GALNT1: variants seen among roughly 807,000 people sequenced by gnomAD.
GALNT1 encodes GalNAc transferase 1.
GALNT1 carries 17 observed loss-of-function variants against 65.7 expected under a neutral mutation model. The ratio of observed to expected loss-of-function variants is 0.26; its 90% CI spans 0.18 to 0.39. The LOEUF (loss-of-function observed/expected upper bound fraction) is 0.39. Among genes scored for constraint, GALNT1 ranks in the 10% least tolerant of loss-of-function variants. The pLI, the probability that GALNT1 is intolerant of heterozygous loss-of-function variation, is 1.00. For missense variants in GALNT1, 460 were observed against 672.8 expected (o/e 0.68, Z 3.50); for synonymous variants, 210 against 219.7 (o/e 0.96, Z 0.39).
chr18:35,693,058 A>T (rs2047993819), intron 9 of GALNT1, among the ~76,000 whole-genome samples: 1 of 152,252 alleles, frequency 6.6e-6, no homozygotes, highest in African/African-American at 2.4e-5. Context: ...TGAAAGGCAC[A>T]CAATATGTCA....
intron 9 of GALNT1, 61 bp from the exon 10 acceptor site, chr18:35,702,836 T>C: frequency 9.0e-7 from 1 of 1,115,426 alleles, no homozygotes; most frequent in Non-Finnish European, 1.3e-6. Context: ...TATGTGTGTG[T>C]ATCTGTCTGT....
chr18:35,632,084 T>C (rs892594162), intron 1 of GALNT1, among the ~76,000 whole-genome samples: 1 of 152,214 alleles, frequency 6.6e-6, no homozygotes, highest in African/African-American at 2.4e-5. Context: ...TCCATGCTCA[T>C]GGATAGGAAG....
At chr18:35,598,024 A>ATCCCC (rs2046528748) in intron 1 of GALNT1, among the ~76,000 whole-genome samples, 1 of 19,410 alleles carries the variant, frequency 5.2e-5, no homozygotes. Context: ...CTCCCCTCCA[A>ATCCCC]TCCCCTCCCA....
Position 35,709,886 on chromosome 18 carries a change from G to A in GALNT1, c.*116G>A. 1 of 1,214,506 alleles carries A rather than the reference G, an allele frequency of 8.2e-7. No homozygotes were observed. Among genetic ancestry groups the A allele is most frequent in the Non-Finnish European group, 1.1e-6 (1 of 880,136 alleles). The allele number at this position is 1,214,506 out of a possible 1,614,324, so 75.2% of individuals were successfully genotyped here. On this transcript the variant is annotated 3_prime_UTR_variant, in exon 12 of 12. Coordinates refer to ENST00000269195, the MANE Select transcript of GALNT1 (RefSeq NM_020474.4). ...AAAGTGCTTTCCTCCTCTGCAGGAT[G>A]TAAGGTTTATCAGCCATTAAAACTT... is the stretch of plus-strand genomic sequence containing the variant.
intron 1 of GALNT1, among the ~76,000 whole-genome samples, chr18:35,644,414 C>G (rs1417051391): frequency 6.6e-6 from 1 of 152,120 alleles, no homozygotes; most frequent in East Asian, 1.9e-4. Context: ...TTATAGGAAG[C>G]TGGGAATATA....
rs112247119 is a variant in GALNT1 at position 35,648,295 on chromosome 18, T to C, written c.-103-6265T>C. Reference sequence around the variant, plus strand: ...TTGCATAAGATATTCAACACTTTATTGTAAAATAAGCTTTGTGTTAGATGA... The same window carrying C: ...TTGCATAAGATATTCAACACTTTATCGTAAAATAAGCTTTGTGTTAGATGA... On this transcript the variant is annotated intron_variant, in intron 1 of 11. Transcript: ENST00000269195. 6.4e-3 allele frequency among the ~76,000 whole-genome samples: 971 copies of C among 152,326 alleles called. 18 individuals carry two copies. Among genetic ancestry groups the C allele is most frequent in the African/African-American group, 0.022 (921 of 41,568 alleles).
chr18:35,602,607 T>C (rs2046595955), intron 1 of GALNT1, among the ~76,000 whole-genome samples: 1 of 152,206 alleles, frequency 6.6e-6, no homozygotes, highest in Admixed American at 6.5e-5. Context: ...CGAGCTCATA[T>C]TGTTCGGCTT....
At chr18:35,610,360 A>G (rs1336963709) in intron 1 of GALNT1, among the ~76,000 whole-genome samples, 1 of 152,168 alleles carries the variant, frequency 6.6e-6, no homozygotes, top group East Asian at 1.9e-4. Flanking sequence ...GTCACTTGCT[A>G]ACAAGCCAAC....
chr18:35,705,913 AG>A (rs1429188515), intron 11 of GALNT1, among the ~76,000 whole-genome samples: 1 of 152,156 alleles, frequency 6.6e-6, no homozygotes, highest in Non-Finnish European at 1.5e-5. Context: ...CAGAAAGAAA[AG>A]GGAAAGAGGA....
At chr18:35,619,943 C>G (rs1490834577) in intron 1 of GALNT1, among the ~76,000 whole-genome samples, 3 of 152,220 alleles carry the variant, frequency 2.0e-5, no homozygotes, top group African/African-American at 7.2e-5. Context: ...GCCATGAAAC[C>G]ACCTCTCCTC....
chr18:35,593,472 T>C (rs770311887), intron 1 of GALNT1, among the ~76,000 whole-genome samples: 8 of 151,918 alleles, frequency 5.3e-5, no homozygotes, highest in African/African-American at 9.7e-5. Flanking sequence ...GTTTTTAGGA[T>C]AGGAAGGAGC....
chr18:35,590,031 A>G (rs1260837216), intron 1 of GALNT1, among the ~76,000 whole-genome samples: 1 of 152,106 alleles, frequency 6.6e-6, no homozygotes, highest in African/African-American at 2.4e-5. Context: ...CACTGCCTGG[A>G]GTGTTACTGC....
At chr18:35,643,502 G>T (rs542952102) in intron 1 of GALNT1, among the ~76,000 whole-genome samples, 1 of 152,110 alleles carries the variant, frequency 6.6e-6, no homozygotes, top group South Asian at 2.1e-4. Flanking sequence ...GGTGGCTCAC[G>T]CCTGTAATCC....
At chr18:35,617,312 T>C (rs1344994936) in intron 1 of GALNT1, among the ~76,000 whole-genome samples, 1 of 152,208 alleles carries the variant, frequency 6.6e-6, no homozygotes, top group African/African-American at 2.4e-5. Context: ...AAATGTCTAC[T>C]ATATGCCTTG....
chr18:35,703,738 T>A (rs946555759), intron 11 of GALNT1, 95 bp downstream of exon 11: 1 of 1,217,442 alleles, frequency 8.2e-7, no homozygotes, highest in Non-Finnish European at 1.1e-6. Context: ...TTGTGGACCT[T>A]GAATATGGAT....
chr18:35,676,032 G>A (rs2047705561), intron 3 of GALNT1, among the ~76,000 whole-genome samples: 1 of 152,178 alleles, frequency 6.6e-6, no homozygotes, highest in Non-Finnish European at 1.5e-5. Flanking sequence ...ATTTTCAGAA[G>A]TATTATTAGG....
chr18:35,706,932 C>G (rs2048272590), intron 11 of GALNT1, among the ~76,000 whole-genome samples: 1 of 152,116 alleles, frequency 6.6e-6, no homozygotes, highest in East Asian at 1.9e-4. Context: ...GAAATTAAAC[C>G]CAGGATACTT....
At chr18:35,709,482 A>G in intron 11 of GALNT1, 142 bp from the exon 12 acceptor site, 1 of 714,312 alleles carries the variant, frequency 1.4e-6, no homozygotes, top group Non-Finnish European at 2.2e-6. Context: ...CCATCCACCT[A>G]CCTACCTTTT....
intron 1 of GALNT1, among the ~76,000 whole-genome samples, chr18:35,598,594 T>A (rs972717772): frequency 3.3e-5 from 5 of 152,252 alleles, no homozygotes; most frequent in Admixed American, 3.3e-4. Flanking sequence ...TATTCCATTC[T>A]ATCTATGTAC....
Sources: gnomAD v4.1 joint callset for allele counts (sites outside exome capture counted in the v4.1 genomes callset) on GRCh38, gnomAD v4.1.1 for gene constraint, MANE v1.5 for transcripts, NCBI Gene and HGNC (gene_info 2026-07-23, HGNC 2026-07-21) for gene names.